SGSM1: variants seen among roughly 807,000 people sequenced by gnomAD.
SGSM1 encodes small G protein signaling modulator 1.
SGSM1 carries 73 observed loss-of-function variants against 133.8 expected under a neutral mutation model. That is an observed-to-expected ratio of 0.55 (90% CI 0.45 to 0.66). SGSM1 has a LOEUF of 0.66. SGSM1 is among the 30% of genes least tolerant of loss of function. The pLI is 0.00. For missense variants in SGSM1, 1,213 were observed against 1,448.1 expected (o/e 0.84, Z 2.64); for synonymous variants, 563 against 573.0 (o/e 0.98, Z 0.25).
chr22:24,886,683 C>T lies in SGSM1; in HGVS notation c.1725C>T (p.Leu575=), dbSNP rs754803106. ...PEIRKAVWPF[L]LGHYQFGMTE... ...TCCGCAAGGCCGTGTGGCCCTTCCTCCTGGGCCACTACCAGTTCGGGATGA... is the reference window on the plus strand; with the variant it reads ...TCCGCAAGGCCGTGTGGCCCTTCCTTCTGGGCCACTACCAGTTCGGGATGA... Residue 575 remains leucine, a synonymous_variant, in exon 16 of 25, where the codon CTC becomes CTT. Transcript: ENST00000400358. 14 of 1,575,920 alleles carry T rather than the reference C, an allele frequency of 8.9e-6. No individual in the cohort carries two copies. The highest frequency in any genetic ancestry group is 1.2e-5 in the Non-Finnish European group (14 of 1,161,294).
At chr22:24,823,831 G>A (rs1368663059) in intron 2 of SGSM1, among the ~76,000 whole-genome samples, 2 of 151,318 alleles carry the variant, frequency 1.3e-5, no homozygotes, top group African/African-American at 4.9e-5. Context: ...GATTGTTTGA[G>A]CCCAGGAGTT....
At chr22:24,859,589 C>G (rs1165501641) in intron 8 of SGSM1, 127 bp from the exon 9 acceptor site, 2 of 1,324,462 alleles carry the variant, frequency 1.5e-6, no homozygotes, top group Non-Finnish European at 2.1e-6. Context: ...TCCACATGGC[C>G]AGGGCCTTGA....
chr22:24,851,442 G>C (rs1163495889), intron 5 of SGSM1, among the ~76,000 whole-genome samples: 1 of 137,456 alleles, frequency 7.3e-6, no homozygotes, highest in Admixed American at 7.3e-5. Flanking sequence ...GGGAGGGGGG[G>C]GTGGGGGGAG....
rs561319889 is a variant in SGSM1 at position 24,876,692 on chromosome 22, G to A, written c.1407G>A (p.Ser469=). The stretch of plus-strand genomic sequence containing the variant: ...AGAGTGGCTCGGCTGATGGTAGCTC[G>A]ACCAATGGCTGCAACCATGAGAGGT... The part of the protein sequence containing the change: ...CSQSGSADGS[S]TNGCNHERAP... The change falls in exon 13 of 25, where the codon TCG becomes TCA. Residue 469 remains serine (S), a synonymous_variant. Transcript: ENST00000400358. 1.5e-5 allele frequency: 25 copies of A among 1,613,860 alleles called. No individual in the cohort carries two copies. Among genetic ancestry groups the A allele is most frequent in the South Asian group, 1.2e-4 (11 of 91,056 alleles).
chr22:24,846,719 A>G (rs896992393), intron 3 of SGSM1, among the ~76,000 whole-genome samples: 11 of 152,242 alleles, frequency 7.2e-5, no homozygotes, highest in Non-Finnish European at 1.2e-4. Flanking sequence ...TTACATCGCC[A>G]TAAGCAAATG....
chr22:24,824,531 C>A (rs901206480), intron 2 of SGSM1, among the ~76,000 whole-genome samples: 15 of 152,142 alleles, frequency 9.9e-5, no homozygotes, highest in African/African-American at 3.4e-4. Flanking sequence ...CTGTCACCTC[C>A]TGTGTGCCTC....
intron 2 of SGSM1, among the ~76,000 whole-genome samples, chr22:24,819,970 G>T (rs1486300544): frequency 6.6e-6 from 1 of 152,150 alleles, no homozygotes; most frequent in African/African-American, 2.4e-5. Context: ...AAGTCTTCGT[G>T]TATCTTCCTC....
intron 2 of SGSM1, among the ~76,000 whole-genome samples, chr22:24,829,053 G>A (rs893515481): frequency 6.6e-6 from 1 of 151,954 alleles, no homozygotes; most frequent in Non-Finnish European, 1.5e-5. Context: ...AAAATTAGCC[G>A]GGCATGGTGG....
chr22:24,863,302 G>A (rs1161563308), intron 9 of SGSM1, among the ~76,000 whole-genome samples: 2 of 151,692 alleles, frequency 1.3e-5, no homozygotes, highest in East Asian at 3.9e-4. Flanking sequence ...GACTACAGGC[G>A]CCCACCACTA....
intron 2 of SGSM1, among the ~76,000 whole-genome samples, chr22:24,820,501 C>T (rs1436268969): frequency 1.3e-5 from 2 of 152,108 alleles, no homozygotes; most frequent in South Asian, 2.1e-4. Flanking sequence ...GCAGGTTATG[C>T]GGGGAGGAAT....
At position 24,908,481 on chromosome 22, in the gene SGSM1, T is replaced by C. The variant is rs191359735; in HGVS notation, c.2818+3294T>C. 2.3e-3 allele frequency among the ~76,000 whole-genome samples: 357 copies of C among 152,196 alleles called. 1 individual carries two copies. Among genetic ancestry groups the C allele is most frequent in the African/African-American group, 8.3e-3 (345 of 41,532 alleles). Reference sequence around the variant, plus strand: ...TGATAAAGGACTTGTAACCAAAATATATAAACAACTCTTACAATTCAACGG... The same window carrying C: ...TGATAAAGGACTTGTAACCAAAATACATAAACAACTCTTACAATTCAACGG... On this transcript the variant is annotated intron_variant, in intron 21 of 24. Transcript: ENST00000400358.
At chr22:24,841,378 T>C (rs973905272) in intron 2 of SGSM1, among the ~76,000 whole-genome samples, 1 of 152,238 alleles carries the variant, frequency 6.6e-6, no homozygotes, top group Non-Finnish European at 1.5e-5. Flanking sequence ...TCCTAAGATA[T>C]TCTCTCTCCT....
chr22:24,878,370 G>A (rs1442674325), intron 13 of SGSM1, among the ~76,000 whole-genome samples: 3 of 152,190 alleles, frequency 2.0e-5, no homozygotes, highest in Non-Finnish European at 2.9e-5. Context: ...TTTGCAGAAA[G>A]CGAAGTCTAC....
chr22:24,867,104 A>G lies in SGSM1; in HGVS notation c.938A>G (p.Asp313Gly), dbSNP rs764252074. ...DLDYEKSVYW[D>G]YAMTIRLEEI... ...CCGTCCGCTTCCAGCGTCTACTGGG[A>G]CTATGCCATGACCATCCGCTTGGAG... Residue 313 changes from aspartate to glycine, a missense_variant, in exon 10 of 25, where the codon GAC (aspartate) becomes GGC (glycine). Asp to Gly is a moderately conservative substitution (Grantham distance 94). Coordinates refer to ENST00000400358, the MANE Select transcript of SGSM1 (RefSeq NM_001098497.3). The G allele has an allele frequency of 6.2e-6, 10 of 1,613,706 alleles. No homozygotes were observed. In the East Asian group the frequency reaches 2.2e-4, roughly 36 times the overall value.
chr22:24,909,375 G>A lies in SGSM1; in HGVS notation c.2819-3268G>A, dbSNP rs1193868840. Among the ~76,000 whole-genome samples, 4 of 152,156 alleles carry A rather than the reference G, an allele frequency of 2.6e-5. 1 individual carries two copies. The highest frequency in any genetic ancestry group is 9.7e-5 in the African/African-American group (4 of 41,436). On this transcript the variant is annotated intron_variant, in intron 21 of 24. Transcript: ENST00000400358. The stretch of plus-strand genomic sequence containing the variant: ...ACAATAGAAAATCACGGGTTGATAA[G>A]AATATGGAGAAATTGGAAGCTTTGG...
intron 2 of SGSM1, among the ~76,000 whole-genome samples, chr22:24,812,219 T>C (rs563866010): frequency 6.6e-6 from 1 of 151,916 alleles, no homozygotes; most frequent in South Asian, 2.1e-4. Flanking sequence ...CCTAATTTCC[T>C]ACGTGTTTGC....
chr22:24,862,069 C>T (rs1206256462), intron 9 of SGSM1, among the ~76,000 whole-genome samples: 21 of 151,816 alleles, frequency 1.4e-4, no homozygotes. Context: ...ATTCTCTTGC[C>T]TCAGTCTCCT....
Position 24,886,743 on chromosome 22 carries a change from A to C in SGSM1, c.1770+15A>C, listed in dbSNP as rs1332946482. The C allele has an allele frequency of 6.3e-7, 1 of 1,576,836 alleles. No individual in the cohort carries two copies. The highest frequency in any genetic ancestry group is 1.8e-5 in the Admixed American group (1 of 54,578). On this transcript the variant is annotated intron_variant, in intron 16 of 24. Coordinates refer to ENST00000400358, the MANE Select transcript of SGSM1 (RefSeq NM_001098497.3). ...AAAGGAAAGAGGTCGGTTACCTGCC[A>C]TGGGCACTGGGATCTTTGGCAACAA...
At chr22:24,867,188 T>C in intron 10 of SGSM1, 28 bp downstream of exon 10, 2 of 1,607,972 alleles carry the variant, frequency 1.2e-6, no homozygotes, top group Non-Finnish European at 1.7e-6. Context: ...AGGAGGGGTC[T>C]GCGTATTCCT....
Sources: gnomAD v4.1 joint callset for allele counts (sites outside exome capture counted in the v4.1 genomes callset) on GRCh38, gnomAD v4.1.1 for gene constraint, MANE v1.5 for transcripts, NCBI Gene and HGNC (gene_info 2026-07-23, HGNC 2026-07-21) for gene names.